ALDH1L1: variants seen among roughly 807,000 people sequenced by gnomAD.
ALDH1L1 encodes cytosolic 10-formyltetrahydrofolate dehydrogenase.
A neutral mutation model predicts 101.1 loss-of-function variants in ALDH1L1; 68 were observed. That is an observed-to-expected ratio of 0.67 (90% CI 0.55 to 0.82). The LOEUF (loss-of-function observed/expected upper bound fraction) is 0.82. ALDH1L1 is among the 40% of genes least tolerant of loss of function. The probability of loss-of-function intolerance (pLI) is 0.00; values close to 1 mark genes in which losing one functional copy is unlikely to be tolerated. For missense variants in ALDH1L1, 1,087 were observed against 1,172.7 expected (o/e 0.93, Z 1.07); for synonymous variants, 486 against 470.8 (o/e 1.03, Z -0.42).
rs750986974 is a variant in ALDH1L1 at position 126,157,355 on chromosome 3, G to T, written c.516C>A (p.Gly172=). 5.0e-6 allele frequency: 8 copies of T among 1,611,878 alleles called. No individual in the cohort carries two copies. Among genetic ancestry groups the T allele is most frequent in the Non-Finnish European group, 6.8e-6 (8 of 1,178,530 alleles). The change falls in exon 4 of 23, where the codon GGC becomes GGA. Residue 172 remains glycine (G), a synonymous_variant. Coordinates refer to ENST00000393434, the MANE Select transcript of ALDH1L1 (RefSeq NM_012190.4). ...TCCAGGTCCTCACCATCCCTTTGAT[G>T]CCTTCAGGGAAGAGGAAGCGGTTGT... ...TLYNRFLFPE[G]IKGMVQAVRL... is the part of the protein sequence containing the mutation.
intron 16 of ALDH1L1, among the ~76,000 whole-genome samples, chr3:126,123,824 A>AG (rs1237000097): frequency 2.0e-5 from 3 of 152,150 alleles, no homozygotes; most frequent in African/African-American, 7.2e-5. Flanking sequence ...AAAAAGAGAG[A>AG]GAAAAAGGAA....
chr3:126,191,632 C>G (rs1305142557), intron 1 of ALDH1L1, among the ~76,000 whole-genome samples: 1 of 152,174 alleles, frequency 6.6e-6, no homozygotes, highest in Non-Finnish European at 1.5e-5. Flanking sequence ...TCTGCAGTAT[C>G]CTGCAAGTCT....
At chr3:126,104,089 G>A in intron 22 of ALDH1L1, 1 of 579,700 alleles carries the variant, frequency 1.7e-6, no homozygotes, top group Non-Finnish European at 3.1e-6. Context: ...ATCTTCCCCA[G>A]CTCCCACCGC....
At chr3:126,180,378 T>TCCTGGAGCCCCTGGAGCC (rs1214094651) in intron 1 of ALDH1L1, 98 bp downstream of exon 1, 603 of 903,926 alleles carry the variant, frequency 6.7e-4, no homozygotes, top group Non-Finnish European at 7.6e-4. Flanking sequence ...GAGAACCGAG[T>TCCTGGAGCCCCTGGAGCC]CCTGGAGCCC....
chr3:126,195,890 C>T (rs2081579195), intron 1 of ALDH1L1, among the ~76,000 whole-genome samples: 1 of 152,120 alleles, frequency 6.6e-6, no homozygotes, highest in Non-Finnish European at 1.5e-5. Context: ...CACGTTCTCA[C>T]TCATAGGTGG....
At chr3:126,113,388 G>C (rs1946142614) in intron 18 of ALDH1L1, among the ~76,000 whole-genome samples, 1 of 152,206 alleles carries the variant, frequency 6.6e-6, no homozygotes, top group South Asian at 2.1e-4. Context: ...AGGTGGGGCA[G>C]CCCTGGCCCA....
At chr3:126,135,496 A>T (rs756514555) in intron 12 of ALDH1L1, 39 bp downstream of exon 12, 1 of 1,592,102 alleles carries the variant, frequency 6.3e-7, no homozygotes, top group East Asian at 2.3e-5. Flanking sequence ...CCAGAAGCTG[A>T]TGGTGGCAGT....
intron 20 of ALDH1L1, among the ~76,000 whole-genome samples, chr3:126,109,530 C>T (rs1322888324): frequency 1.3e-5 from 2 of 152,030 alleles, no homozygotes; most frequent in Non-Finnish European, 2.9e-5. Flanking sequence ...GGCAAAAAGT[C>T]CCCCATGAGA....
At chr3:126,111,575 T>C (rs1056591594) in intron 19 of ALDH1L1, among the ~76,000 whole-genome samples, 6 of 152,206 alleles carry the variant, frequency 3.9e-5, no homozygotes, top group African/African-American at 1.4e-4. Flanking sequence ...GGTCGTTATA[T>C]GGCAAAAACT....
intron 16 of ALDH1L1, 118 bp downstream of exon 16, chr3:126,124,246 C>T (rs977993702): frequency 6.8e-5 from 61 of 898,270 alleles, no homozygotes; most frequent in Non-Finnish European, 8.8e-5. Flanking sequence ...GGCTGGCCCC[C>T]GCCTGGGCTC....
chr3:126,178,188 T>C (rs930265083), intron 1 of ALDH1L1, among the ~76,000 whole-genome samples: 1 of 152,038 alleles, frequency 6.6e-6, no homozygotes, highest in Admixed American at 6.5e-5. Flanking sequence ...CAAGGCCAGC[T>C]TGGGCAACAA....
intron 14 of ALDH1L1, among the ~76,000 whole-genome samples, chr3:126,128,160 C>T (rs1278963315): frequency 6.6e-6 from 1 of 152,156 alleles, no homozygotes; most frequent in Non-Finnish European, 1.5e-5. Context: ...CACTGGGAAG[C>T]CACCCGAGGA....
At chr3:126,157,616 G>A (rs139835693) in intron 3 of ALDH1L1, 108 bp from the exon 4 acceptor site, 7 of 1,275,514 alleles carry the variant, frequency 5.5e-6, no homozygotes, top group Non-Finnish European at 7.6e-6. Flanking sequence ...TCTCTTCCCA[G>A]GGGTAGGACT....
chr3:126,114,958 C>T, intron 17 of ALDH1L1: 1 of 490,280 alleles, frequency 2.0e-6, no homozygotes, highest in South Asian at 1.5e-5. Flanking sequence ...TCCCTGATCG[C>T]CCCGTATAAA....
chr3:126,160,256 T>A (rs2081014746), intron 2 of ALDH1L1: 1 of 152,726 alleles, frequency 6.5e-6, no homozygotes, highest in South Asian at 2.1e-4. Flanking sequence ...ACTCTCTGTG[T>A]TTTTTTCTTT....
In ALDH1L1 at chr3:126,136,813, T is replaced by C; in HGVS notation, c.1295A>G (p.Asp432Gly). ...HQLFIGGEFV[D>G]AEGAKTSETI... Reference sequence around the variant, plus strand: ...CTCAGAGGTCTTGGCGCCCTCGGCATCCACGAACTCCCCCCCAATGAAGAG... The same window carrying C: ...CTCAGAGGTCTTGGCGCCCTCGGCACCCACGAACTCCCCCCCAATGAAGAG... The change falls in exon 11 of 23, where the codon GAT (aspartate) becomes GGT (glycine). Residue 432 changes from aspartate (D) to glycine (G), a missense_variant. By Grantham distance (94) the Asp-to-Gly change is moderately conservative. Transcript: ENST00000393434. 6.2e-7 allele frequency: 1 copy of C among 1,604,554 alleles called. No homozygotes were observed. Among genetic ancestry groups the C allele is most frequent in the African/African-American group, 1.3e-5 (1 of 74,944 alleles).
At chr3:126,108,798 G>T (rs752675374) in intron 20 of ALDH1L1, among the ~76,000 whole-genome samples, 4 of 152,210 alleles carry the variant, frequency 2.6e-5, no homozygotes, top group Non-Finnish European at 5.9e-5. Context: ...ATGAAATGCA[G>T]CTGCAGTACA....
Position 126,137,962 on chromosome 3 carries a change from T to G in ALDH1L1, c.1077-2A>C, listed in dbSNP as rs1690497408. On this transcript the variant is annotated splice_acceptor_variant, in intron 9 of 22. Coordinates refer to ENST00000393434, the MANE Select transcript of ALDH1L1 (RefSeq NM_012190.4). LOFTEE classifies it high-confidence loss of function. Reference sequence around the variant, plus strand: ...AGCTCCTTCACTTCCTCCACCAGCCTGGAGGAAGGAGATGGAAAGATGGGG... The same window carrying G: ...AGCTCCTTCACTTCCTCCACCAGCCGGGAGGAAGGAGATGGAAAGATGGGG... The G allele has an allele frequency of 6.2e-7, 1 of 1,613,836 alleles. No individual in the cohort carries two copies. Among genetic ancestry groups the G allele is most frequent in the Non-Finnish European group, 8.5e-7 (1 of 1,179,892 alleles).
At chr3:126,173,935 A>G (rs1011712258) in intron 1 of ALDH1L1, among the ~76,000 whole-genome samples, 1 of 152,262 alleles carries the variant, frequency 6.6e-6, no homozygotes, top group Admixed American at 6.5e-5. Flanking sequence ...GCCTAACAAC[A>G]GTGCTAAAAT....
Sources: gnomAD v4.1 joint callset for allele counts (sites outside exome capture counted in the v4.1 genomes callset) on GRCh38, gnomAD v4.1.1 for gene constraint, MANE v1.5 for transcripts, NCBI Gene and HGNC (gene_info 2026-07-23, HGNC 2026-07-21) for gene names.